Variants in SHC2 observed in about 807,000 individuals in gnomAD.
SHC2 encodes the protein SHC-transforming protein 2.
In SHC2, 62 loss-of-function variants were observed where a neutral mutation model predicts 60.6. The ratio of observed to expected loss-of-function variants is 1.02; its 90% CI spans 0.83 to 1.26. The LOEUF is 1.26. Ranked by LOEUF, SHC2 falls within the 50% of genes most tolerant of loss-of-function variation. SHC2 has a pLI of 0.00. For missense variants in SHC2, 873 were observed against 822.2 expected (o/e 1.06, Z -0.76); for synonymous variants, 375 against 372.4 (o/e 1.01, Z -0.08).
chr19:436,479 G>T (rs1170535436), intron 5 of SHC2, 48 bp from the exon 6 acceptor site: 2 of 1,600,538 alleles, frequency 1.2e-6, no homozygotes, highest in Non-Finnish European at 1.7e-6. Flanking sequence ...CCCCCACCGG[G>T]ATTCCCAGCT....
chr19:460,408 G>A (rs1478931788), intron 1 of SHC2, 121 bp downstream of exon 1: 25 of 376,918 alleles, frequency 6.6e-5, no homozygotes, highest in East Asian at 5.6e-4. Context: ...CCGGGGTGGC[G>A]GGAGAGCAGG....
Position 446,579 on chromosome 19 carries a change from A to G in SHC2, c.469-5647T>C, listed in dbSNP as rs1340965241. On this transcript the variant is annotated intron_variant, in intron 1 of 12. Transcript: ENST00000264554. This position sits in a 1 kb window ranked among gnomAD's most constrained non-coding sequence, Gnocchi z 5.4. ...CTCGGTCTCCCAAAGTGCTGGGACT[A>G]CAGGCGTGAGTCACCGCGCCCGGCT... is the stretch of plus-strand genomic sequence containing the variant. Among the ~76,000 whole-genome samples the G allele has an allele frequency of 6.6e-6, 1 of 152,138 alleles. No homozygotes were observed. Among genetic ancestry groups the G allele is most frequent in the Non-Finnish European group, 1.5e-5 (1 of 68,034 alleles).
At chr19:420,594 G>A (rs1008204774) in intron 11 of SHC2, among the ~76,000 whole-genome samples, 6 of 152,204 alleles carry the variant, frequency 3.9e-5, no homozygotes, top group African/African-American at 1.4e-4. Context: ...TTGGCCCAGA[G>A]CAACTGTAAG....
At chr19:444,103 G>A (rs916121890) in intron 1 of SHC2, among the ~76,000 whole-genome samples, 6 of 149,482 alleles carry the variant, frequency 4.0e-5, no homozygotes. Flanking sequence ...TGGATGGACA[G>A]GTGGATGGTT....
chr19:427,301 G>T (rs982982541), intron 9 of SHC2, among the ~76,000 whole-genome samples: 1 of 152,252 alleles, frequency 6.6e-6, no homozygotes, highest in African/African-American at 2.4e-5. Flanking sequence ...TGGCACCGCC[G>T]GTAACGTGAT....
At chr19:430,141 A>G (rs141596998) in intron 9 of SHC2, among the ~76,000 whole-genome samples, 4,883 of 131,130 alleles carry the variant, frequency 0.037, 315 homozygotes, top group East Asian at 0.25. Context: ...ATATCCCAAC[A>G]TGCACGGAAA....
At chr19:429,472 G>A (rs575368940) in intron 9 of SHC2, among the ~76,000 whole-genome samples, 10 of 148,086 alleles carry the variant, frequency 6.8e-5, no homozygotes, top group East Asian at 2.1e-4. Context: ...ACCTAATACC[G>A]TGTGGATGAC....
At position 436,258 on chromosome 19, in the gene SHC2, G is replaced by T. The variant is rs369817945; in HGVS notation, c.860C>A (p.Ala287Glu). The T allele has an allele frequency of 2.8e-5, 44 of 1,596,526 alleles. No individual in the cohort carries two copies. The African/African-American group carries it at 5.8e-4, about 21-fold the overall frequency. The change falls in exon 7 of 13, where the codon GCA (alanine) becomes GAA (glutamate). Residue 287 changes from alanine to glutamate, a missense_variant. Transcript: ENST00000264554. Reference sequence around the variant, plus strand: ...GCCCACGGTGCTGATGATGCTCTGTGCCAGGCCCTCACAGCACTCCAGGAT... The same window carrying T: ...GCCCACGGTGCTGATGATGCTCTGTTCCAGGCCCTCACAGCACTCCAGGAT... ...CHILECCEGL[A>E]QSIISTVGQA...
intron 1 of SHC2, among the ~76,000 whole-genome samples, chr19:450,411 C>T (rs528298932): frequency 6.6e-6 from 1 of 152,186 alleles, no homozygotes; most frequent in Non-Finnish European, 1.5e-5. Flanking sequence ...TGGCACTCAG[C>T]GCATTCCCGT....
intron 12 of SHC2, among the ~76,000 whole-genome samples, chr19:417,564 C>T (rs528392809): frequency 2.0e-4 from 31 of 152,364 alleles, no homozygotes; most frequent in African/African-American, 4.6e-4. Flanking sequence ...GCAAGAATGC[C>T]GATCCCAGTG....
Position 426,107 on chromosome 19 carries a change from G to T in SHC2, c.1175-876C>A, listed in dbSNP as rs550277156. 5.3e-5 allele frequency among the ~76,000 whole-genome samples: 8 copies of T among 152,098 alleles called. No homozygotes were observed. The East Asian group carries it at 1.5e-3, about 29-fold the overall frequency. ...GGTAACCTTGGGGCATCTCCCTCGG[G>T]AGCTGCCTGGACCCCATGTGTATTC... On this transcript the variant is annotated intron_variant, in intron 9 of 12. Coordinates refer to ENST00000264554, the MANE Select transcript of SHC2 (RefSeq NM_012435.3).
chr19:458,031 T>TTC, intron 1 of SHC2, among the ~76,000 whole-genome samples: 1 of 112,790 alleles, frequency 8.9e-6, no homozygotes, highest in Middle Eastern at 7.5e-3. Context: ...GAGGCGGAAG[T>TTC]AGGTTCCGGG....
chr19:451,121 A>G lies in SHC2; in HGVS notation c.468+9408T>C, dbSNP rs540079545. 8.0e-5 allele frequency among the ~76,000 whole-genome samples: 11 copies of G among 138,040 alleles called. No individual in the cohort carries two copies. In the South Asian group the frequency reaches 2.4e-3, roughly 30 times the overall value. 90.6% of individuals were successfully genotyped at this position (138,040 alleles called of 152,430 possible). The stretch of plus-strand genomic sequence containing the variant: ...TGGATGGCCATACCATAGCCACATC[A>G]TATTTCAGTGTGTGGATGGCCACGC... On this transcript the variant is annotated intron_variant, in intron 1 of 12. Coordinates refer to ENST00000264554, the MANE Select transcript of SHC2 (RefSeq NM_012435.3).
At chr19:420,712 C>T (rs1974247915) in intron 11 of SHC2, among the ~76,000 whole-genome samples, 1 of 152,216 alleles carries the variant, frequency 6.6e-6, no homozygotes. Context: ...AAAATCCAGA[C>T]TCTAGAGATA....
At chr19:423,071 T>C (rs1974323040) in intron 10 of SHC2, among the ~76,000 whole-genome samples, 1 of 152,130 alleles carries the variant, frequency 6.6e-6, no homozygotes, top group Non-Finnish European at 1.5e-5. Flanking sequence ...CGGAGATGCA[T>C]CTACCCGTGG....
At chr19:417,930 A>G (rs12978738) in intron 12 of SHC2, among the ~76,000 whole-genome samples, 1 of 152,080 alleles carries the variant, frequency 6.6e-6, no homozygotes, top group Non-Finnish European at 1.5e-5. Flanking sequence ...CTGGCCCAGA[A>G]GCGCAGCCCT....
In SHC2 at chr19:425,617, C is replaced by T. The variant is rs1166257075; in HGVS notation, c.1175-386G>A. 6.6e-6 allele frequency among the ~76,000 whole-genome samples: 1 copy of T among 152,242 alleles called. No homozygotes were observed. Among genetic ancestry groups the T allele is most frequent in the Non-Finnish European group, 1.5e-5 (1 of 68,052 alleles). ...CCACATTTAAAAATAATCACAGTAA[C>T]TCTGCTTCCCTGTAATTATGCTATC... On this transcript the variant is annotated intron_variant, in intron 9 of 12. Coordinates refer to ENST00000264554, the MANE Select transcript of SHC2 (RefSeq NM_012435.3). This position sits in a 1 kb window ranked among gnomAD's most constrained non-coding sequence, Gnocchi z 4.1.
rs1036638771 is a variant in SHC2 at position 417,240 on chromosome 19, G to A, written c.*88C>T. The A allele has an allele frequency of 6.5e-6, 1 of 153,150 alleles. No homozygotes were observed. Among genetic ancestry groups the A allele is most frequent in the Non-Finnish European group, 1.5e-5 (1 of 68,670 alleles). The allele number at this position is 153,150 out of a possible 1,614,324, so 9.5% of individuals were successfully genotyped here. A position where few individuals can be genotyped will look rare whatever the true frequency, so the allele number is the denominator to read the frequency against. ...GGTGGTTCGGCCTGACCAGGATCCA[G>A]GAGGAGGGCTGAGAGCCCCAAGGCC... On this transcript the variant is annotated 3_prime_UTR_variant, in exon 13 of 13. Coordinates refer to ENST00000264554, the MANE Select transcript of SHC2 (RefSeq NM_012435.3).
chr19:427,755 A>G (rs562283057), intron 9 of SHC2, among the ~76,000 whole-genome samples: 1 of 79,250 alleles, frequency 1.3e-5, no homozygotes, highest in Non-Finnish European at 2.4e-5. Context: ...CGGCGCAGGG[A>G]AGGGGAATTG....
Sources: gnomAD v4.1 joint callset for allele counts (sites outside exome capture counted in the v4.1 genomes callset) on GRCh38, gnomAD v4.1.1 for gene constraint, Gnocchi (gnomAD v3.1) non-coding constraint, MANE v1.5 for transcripts, NCBI Gene and HGNC (gene_info 2026-07-23, HGNC 2026-07-21) for gene names.